Variants in COL5A1 observed in about 807,000 individuals in gnomAD.
COL5A1 encodes the protein collagen alpha-1(V) chain.
In COL5A1, 16 loss-of-function variants were observed where a neutral mutation model predicts 263.7. That is an observed-to-expected ratio of 0.06 (90% CI 0.04 to 0.09). The LOEUF is 0.09. Ranked by LOEUF, COL5A1 falls within the 10% of genes least tolerant of loss-of-function variation. COL5A1 has a pLI of 1.00. For missense variants in COL5A1, 2,036 were observed against 2,540.5 expected (o/e 0.80, Z 4.27); for synonymous variants, 1,012 against 1,004.5 (o/e 1.01, Z -0.14).
At chr9:134,690,273 G>A (rs958391424) in intron 1 of COL5A1, among the ~76,000 whole-genome samples, 8 of 151,916 alleles carry the variant, frequency 5.3e-5, no homozygotes, top group Admixed American at 2.0e-4. Flanking sequence ...CGCTGTAAAC[G>A]GTCATGGGAA....
chr9:134,812,037 T>C (rs374919489), intron 46 of COL5A1, among the ~76,000 whole-genome samples: 2 of 152,236 alleles, frequency 1.3e-5, no homozygotes, highest in South Asian at 4.1e-4. Flanking sequence ...CTTTCCCCAT[T>C]TTCCATCCTC....
chr9:134,730,066 C>G (rs1374723301), intron 6 of COL5A1, among the ~76,000 whole-genome samples, 170 bp from the exon 7 acceptor site: 3 of 152,178 alleles, frequency 2.0e-5, no homozygotes, highest in Non-Finnish European at 2.9e-5. Flanking sequence ...CCCCCAAGCC[C>G]CATGGATGGG....
chr9:134,835,278 T>A, intron 65 of COL5A1, 74 bp downstream of exon 65: 2 of 1,360,328 alleles, frequency 1.5e-6, no homozygotes, highest in Non-Finnish European at 2.1e-6. Context: ...AGCACGGGTT[T>A]ACCTGTCCCC....
intron 42 of COL5A1, 84 bp from the exon 43 acceptor site, chr9:134,809,099 G>A: frequency 8.4e-7 from 1 of 1,184,028 alleles, no homozygotes; most frequent in Non-Finnish European, 1.2e-6. Flanking sequence ...CCTGCCAGCG[G>A]ATCCCTCTCT....
At chr9:134,727,507 G>A (rs1834705514) in intron 5 of COL5A1, 110 bp downstream of exon 5, 2 of 1,234,052 alleles carry the variant, frequency 1.6e-6, no homozygotes, top group Non-Finnish European at 2.4e-6. Flanking sequence ...TCCACTGGGT[G>A]AGAATTTGGA....
At position 134,781,785 on chromosome 9, in the gene COL5A1, G is replaced by A. The variant is rs561540630; in HGVS notation, c.2431-882G>A. Among the ~76,000 whole-genome samples, 9 of 152,182 alleles carry A rather than the reference G, an allele frequency of 5.9e-5. No individual in the cohort carries two copies. In the South Asian group the frequency reaches 6.2e-4, roughly 11 times the overall value. ...TGTGAACACTGTGAACAAGTGCCTTGAGGCCCTGGGAGCCCCGGGAGCTGG... is the reference window on the plus strand; with the variant it reads ...TGTGAACACTGTGAACAAGTGCCTTAAGGCCCTGGGAGCCCCGGGAGCTGG... On this transcript the variant is annotated intron_variant, in intron 28 of 65. Coordinates refer to ENST00000371817, the MANE Select transcript of COL5A1 (RefSeq NM_000093.5).
At chr9:134,800,749 C>CA (rs397951217) in intron 37 of COL5A1, among the ~76,000 whole-genome samples, 830 of 81,600 alleles carry the variant, frequency 0.01, 24 homozygotes, top group Middle Eastern at 0.023. Context: ...CTGTCTCAAA[C>CA]AAAAAAAAAA....
At chr9:134,822,728 C>CCG (rs71499198) in intron 59 of COL5A1, among the ~76,000 whole-genome samples, 25 of 151,366 alleles carry the variant, frequency 1.7e-4, no homozygotes, top group Non-Finnish European at 2.9e-4. Flanking sequence ...GCGCCCCCCC[C>CCG]GCGGCTGTCT....
chr9:134,684,086 G>T (rs990023957), intron 1 of COL5A1, among the ~76,000 whole-genome samples: 1 of 152,198 alleles, frequency 6.6e-6, no homozygotes, highest in Non-Finnish European at 1.5e-5. Flanking sequence ...GTGGAGAAGC[G>T]TTCTTTCATG....
At chr9:134,699,824 G>T (rs1035329508) in intron 2 of COL5A1, 85 bp from the exon 3 acceptor site, 3 of 1,343,730 alleles carry the variant, frequency 2.2e-6, no homozygotes, top group Non-Finnish European at 3.2e-6. Context: ...CCAGGGTCCC[G>T]GGCTGGCTTG....
intron 1 of COL5A1, among the ~76,000 whole-genome samples, chr9:134,644,070 A>G (rs930553327): frequency 3.0e-4 from 45 of 152,092 alleles, no homozygotes; most frequent in African/African-American, 9.4e-4. Context: ...GACTTTTAGA[A>G]GCATGTGGAG....
At chr9:134,659,048 G>T (rs535049380) in intron 1 of COL5A1, among the ~76,000 whole-genome samples, 1 of 152,236 alleles carries the variant, frequency 6.6e-6, no homozygotes, top group East Asian at 1.9e-4. Context: ...TTACAGGTGA[G>T]AAGCAGGCTC....
Position 134,677,754 on chromosome 9 carries a change from C to G in COL5A1, c.110-13158C>G, listed in dbSNP as rs542460172. ...GTTCCTCCTTCATCTCTTCACGTGTCTGTGTGTCTGTCCTTGAGTGAGTGC... is the reference window on the plus strand; with the variant it reads ...GTTCCTCCTTCATCTCTTCACGTGTGTGTGTGTCTGTCCTTGAGTGAGTGC... On this transcript the variant is annotated intron_variant, in intron 1 of 65. Coordinates refer to ENST00000371817, the MANE Select transcript of COL5A1 (RefSeq NM_000093.5). The surrounding 1 kb of genome is among the most constrained non-coding windows in gnomAD (Gnocchi z 4.4). 6.3e-4 allele frequency among the ~76,000 whole-genome samples: 96 copies of G among 152,366 alleles called. No individual in the cohort carries two copies. The highest frequency in any genetic ancestry group is 2.1e-3 in the African/African-American group (89 of 41,592).
intron 14 of COL5A1, 86 bp downstream of exon 14, chr9:134,752,731 C>A: frequency 9.1e-7 from 1 of 1,103,300 alleles, no homozygotes; most frequent in Non-Finnish European, 1.4e-6. Flanking sequence ...GCAGGTGGCC[C>A]TGGGGTCCTG....
intron 18 of COL5A1, among the ~76,000 whole-genome samples, chr9:134,759,678 CCCCACACT>C (rs1463779339): frequency 8.2e-6 from 1 of 121,660 alleles, no homozygotes; most frequent in Admixed American, 8.4e-5. Flanking sequence ...ACCCCCACAC[CCCCACACT>C]CATACACATA....
chr9:134,760,427 C>T (rs1017061251), intron 18 of COL5A1, among the ~76,000 whole-genome samples: 2 of 108,386 alleles, frequency 1.8e-5, no homozygotes, highest in Non-Finnish European at 3.6e-5. Context: ...TGCACACACA[C>T]CACACATGCA....
intron 2 of COL5A1, among the ~76,000 whole-genome samples, chr9:134,693,697 G>C (rs957720275): frequency 6.6e-6 from 1 of 152,110 alleles, no homozygotes; most frequent in Non-Finnish European, 1.5e-5. Flanking sequence ...CCTTCCGCCC[G>C]GCCCTCCGAG....
At chr9:134,736,518 C>T (rs1160532098) in intron 9 of COL5A1, among the ~76,000 whole-genome samples, 2 of 152,350 alleles carry the variant, frequency 1.3e-5, no homozygotes, top group East Asian at 1.9e-4. Context: ...AAGATCCCAC[C>T]TCTCAACACG....
intron 4 of COL5A1, among the ~76,000 whole-genome samples, chr9:134,711,289 G>A (rs909349809): frequency 6.6e-6 from 1 of 152,068 alleles, no homozygotes; most frequent in Non-Finnish European, 1.5e-5. Flanking sequence ...TGGTCAGGCC[G>A]GTGACACCCC....
Sources: allele counts gnomAD v4.1 joint callset (sites outside exome capture counted in the v4.1 genomes callset), GRCh38; gene constraint gnomAD v4.1.1; non-coding constraint Gnocchi (gnomAD v3.1); transcripts MANE v1.5; gene names NCBI Gene and HGNC (gene_info 2026-07-23, HGNC 2026-07-21).